The following EIF2AK4 variants were observed in gnomAD, a reference collection of about 807,000 sequenced individuals.
EIF2AK4 encodes the protein eukaryotic translation initiation factor 2 alpha kinase 4.
EIF2AK4 carries 139 observed loss-of-function variants against 211.1 expected under a neutral mutation model. The observed-to-expected ratio is 0.66, with a 90% CI of 0.57 to 0.76. EIF2AK4 has a LOEUF of 0.76. Among genes scored for constraint, EIF2AK4 ranks in the 30% least tolerant of loss-of-function variants. The pLI is 0.00. For missense variants in EIF2AK4, 1,664 were observed against 2,043.8 expected, an observed-to-expected ratio of 0.81 and a Z score of 3.58; for synonymous variants, 710 against 751.3, an observed-to-expected ratio of 0.94 and a Z score of 0.90.
At chr15:39,998,899 C>A in intron 20 of EIF2AK4, 115 bp downstream of exon 20, 2 of 823,294 alleles carry the variant, frequency 2.4e-6, no homozygotes, top group Non-Finnish European at 1.9e-6. Context: ...CTGGGAACAA[C>A]GTGGGGAAAA....
chr15:39,949,338 C>T, intron 4 of EIF2AK4, 70 bp downstream of exon 4: 1 of 1,566,600 alleles, frequency 6.4e-7, no homozygotes, highest in South Asian at 1.1e-5. Context: ...TAGGTTTTAT[C>T]TGTCTCTGCC....
chr15:39,965,232 C>A (rs2034526767), intron 7 of EIF2AK4, among the ~76,000 whole-genome samples: 2 of 152,178 alleles, frequency 1.3e-5, no homozygotes, highest in South Asian at 4.1e-4. Flanking sequence ...AGCGATTCTC[C>A]TGCCTCAGCC....
chr15:40,027,060 GTTTA>G lies in EIF2AK4; in HGVS notation c.4502+974_4502+977del, dbSNP rs1215497451. Among the ~76,000 whole-genome samples the G allele has an allele frequency of 1.1e-4, 17 of 152,136 alleles. No homozygotes were observed. The East Asian group carries it at 3.3e-3, about 29-fold the overall frequency. On this transcript the variant is annotated intron_variant, in intron 33 of 38. Coordinates refer to ENST00000263791, the MANE Select transcript of EIF2AK4 (RefSeq NM_001013703.4). The stretch of plus-strand genomic sequence containing the variant: ...ATTAAAACATAAACATTTTAAATAT[GTTTA>G]TTCATTTAAAAATAACAATAACCCC...
At chr15:39,951,473 G>T in intron 4 of EIF2AK4, 1 of 408,942 alleles carries the variant, frequency 2.4e-6, no homozygotes, top group South Asian at 1.8e-5. Flanking sequence ...TTTTCAAAAA[G>T]GCCAACCAGA....
chr15:39,985,874 T>C lies in EIF2AK4; in HGVS notation c.2389T>C (p.Tyr797His), dbSNP rs556364536. 14 of 1,613,332 alleles carry C rather than the reference T, an allele frequency of 8.7e-6. No individual in the cohort carries two copies. In the South Asian group the frequency reaches 1.4e-4, roughly 16 times the overall value. ...EPSVTTEAVHYLYIQMEYCEK... is the reference protein window; with the variant it reads ...EPSVTTEAVHHLYIQMEYCEK... Reference sequence around the variant, plus strand: ...ATCAGTGACGACTGAGGCTGTGCACTACCTATACATCCAGGTGAGGTCGTG... The same window carrying C: ...ATCAGTGACGACTGAGGCTGTGCACCACCTATACATCCAGGTGAGGTCGTG... The change falls in exon 14 of 39, where the codon TAC becomes CAC. Residue 797 changes from tyrosine (Y) to histidine (H), a missense_variant. By Grantham distance (83) the Tyr-to-His change is moderately conservative. This residue lies in a region of EIF2AK4 where 206 missense variants were observed against 201.9 expected (regional missense o/e 1.02). Coordinates refer to ENST00000263791, the MANE Select transcript of EIF2AK4 (RefSeq NM_001013703.4).
chr15:39,979,600 T>G (rs868107052), intron 13 of EIF2AK4, among the ~76,000 whole-genome samples: 2 of 152,230 alleles, frequency 1.3e-5, no homozygotes, highest in Non-Finnish European at 2.9e-5. Context: ...TACTGACAAA[T>G]TTTGGTAAAC....
In EIF2AK4 at chr15:39,934,279, G is replaced by A. The variant is rs746925938; in HGVS notation, c.84G>A (p.Gln28=). 6.2e-7 allele frequency: 1 copy of A among 1,611,964 alleles called. No individual in the cohort carries two copies. Among genetic ancestry groups the A allele is most frequent in the Non-Finnish European group, 8.5e-7 (1 of 1,179,116 alleles). The change falls in exon 1 of 39, where the codon CAG becomes CAA. Residue 28 remains glutamine, a synonymous_variant. Coordinates refer to ENST00000263791, the MANE Select transcript of EIF2AK4 (RefSeq NM_001013703.4). ...SYPQRQDHEL[Q]ALEAIYGADF... ...CGCAACGACAGGACCACGAGCTACA[G>A]GCCCTGGAGGCCATTTACGGCGCGG...
At chr15:40,011,179 G>T (rs1183872129) in intron 26 of EIF2AK4, 102 bp from the exon 27 acceptor site, 3 of 927,988 alleles carry the variant, frequency 3.2e-6, no homozygotes, top group Non-Finnish European at 3.4e-6. Context: ...GGAGCAGTTT[G>T]TTCAAAATGA....
intron 6 of EIF2AK4, among the ~76,000 whole-genome samples, chr15:39,961,131 A>G (rs1566986645): frequency 6.6e-6 from 1 of 152,090 alleles, no homozygotes; most frequent in East Asian, 1.9e-4. Context: ...AAAGAAAGAG[A>G]GGAGAGGCTG....
At chr15:39,981,154 C>A (rs919741611) in intron 13 of EIF2AK4, among the ~76,000 whole-genome samples, 3 of 152,098 alleles carry the variant, frequency 2.0e-5, no homozygotes, top group Admixed American at 6.6e-5. Flanking sequence ...GGTGGATCAC[C>A]TGAGGTCAAG....
chr15:39,948,239 T>G (rs1026403163), intron 3 of EIF2AK4, among the ~76,000 whole-genome samples: 2 of 152,240 alleles, frequency 1.3e-5, no homozygotes, highest in Non-Finnish European at 2.9e-5. Context: ...TTTACCACCC[T>G]GTTAAGTCCC....
intron 1 of EIF2AK4, among the ~76,000 whole-genome samples, chr15:39,937,175 T>G (rs912020755): frequency 6.6e-6 from 1 of 152,228 alleles, no homozygotes; most frequent in African/African-American, 2.4e-5. Context: ...ATTTATAATT[T>G]GATAGCTTTT....
At chr15:40,027,760 G>A (rs111469028) in intron 33 of EIF2AK4, among the ~76,000 whole-genome samples, 2,007 of 152,036 alleles carry the variant, frequency 0.013, 42 homozygotes, top group African/African-American at 0.047. Flanking sequence ...GCATGGTGGC[G>A]GGCACCTGTA....
rs1163915587 is a variant in EIF2AK4, at chr15:39,943,596, A to T, written c.360+111A>T. On this transcript the variant is annotated intron_variant, in intron 3 of 38. Coordinates refer to ENST00000263791, the MANE Select transcript of EIF2AK4 (RefSeq NM_001013703.4). ...TTTTATTGGTTCTACAAAAGGGAAC[A>T]TTGTGATTTTTATTTATTTAATAGG... 3.6e-6 allele frequency: 3 copies of T among 824,718 alleles called. No individual in the cohort carries two copies. The East Asian group carries it at 8.3e-5, about 23-fold the overall frequency. 51.1% of individuals were successfully genotyped at this position (824,718 alleles called of 1,614,324 possible). A position where few individuals can be genotyped will look rare whatever the true frequency, so the allele number is the denominator to read the frequency against.
At chr15:40,010,642 A>G (rs2035222959) in intron 26 of EIF2AK4, among the ~76,000 whole-genome samples, 1 of 151,964 alleles carries the variant, frequency 6.6e-6, no homozygotes, top group South Asian at 2.1e-4. Flanking sequence ...GTCTATGGTT[A>G]AGACAGAGTA....
Position 39,939,791 on chromosome 15 carries a change from C to A in EIF2AK4, c.257+174C>A, listed in dbSNP as rs150252955. 2.4e-3 allele frequency among the ~76,000 whole-genome samples: 367 copies of A among 152,310 alleles called. 1 individual carries two copies. The highest frequency in any genetic ancestry group is 8.6e-3 in the African/African-American group (357 of 41,548). ...ATAGATGTTTTCATGAAACCTGTCT[C>A]ATTTTAAGCCTGTTCATAGTTATAG... On this transcript the variant is annotated intron_variant, in intron 2 of 38. Coordinates refer to ENST00000263791, the MANE Select transcript of EIF2AK4 (RefSeq NM_001013703.4).
intron 35 of EIF2AK4, among the ~76,000 whole-genome samples, chr15:40,030,785 A>G (rs1372144588): frequency 6.6e-6 from 1 of 152,188 alleles, no homozygotes; most frequent in Non-Finnish European, 1.5e-5. Context: ...CGATGACAAG[A>G]CTTAAGGCAG....
In EIF2AK4 at chr15:39,961,844, G is replaced by A; in HGVS notation, c.804G>A (p.Leu268=). 1.9e-6 allele frequency: 3 copies of A among 1,614,150 alleles called. No individual in the cohort carries two copies. Among genetic ancestry groups the A allele is most frequent in the Non-Finnish European group, 1.7e-6 (2 of 1,180,018 alleles). The part of the protein sequence containing the change: ...SEDSPGSCEI[L]YFNMGSPDQL... ...ATTCTCCTGGCTCTTGTGAAATTCTGTATTTCAATATGGGGAGTCCTGATC... is the reference window on the plus strand; with the variant it reads ...ATTCTCCTGGCTCTTGTGAAATTCTATATTTCAATATGGGGAGTCCTGATC... The change falls in exon 7 of 39, where the codon CTG becomes CTA. Residue 268 remains leucine, a synonymous_variant. Coordinates refer to ENST00000263791, the MANE Select transcript of EIF2AK4 (RefSeq NM_001013703.4).
At position 39,939,559 on chromosome 15, in the gene EIF2AK4, G is replaced by T; in HGVS notation, c.199G>T (p.Glu67Ter). Residue 67 changes from glutamate (E) to a stop codon, truncating the protein, a stop_gained, in exon 2 of 39, where the codon GAA (glutamate) becomes TAA (stop). Transcript: ENST00000263791. LOFTEE classifies it high-confidence loss of function. ...TTTGTACCCTCAAGGCCTAACTGGTGAAGAAGTATATGTAAAAGTGGATTT... is the reference window on the plus strand; with the variant it reads ...TTTGTACCCTCAAGGCCTAACTGGTTAAGAAGTATATGTAAAAGTGGATTT... The part of the protein sequence containing the change: ...LVLYPQGLTG[E>*]EVYVKVDLRV... 6.2e-7 allele frequency: 1 copy of T among 1,613,134 alleles called. No individual in the cohort carries two copies. The highest frequency in any genetic ancestry group is 8.5e-7 in the Non-Finnish European group (1 of 1,179,424).
Sources: gnomAD v4.1 joint callset for allele counts (sites outside exome capture counted in the v4.1 genomes callset) on GRCh38, gnomAD v4.1.1 for gene constraint, gnomAD v4.1.1 regional missense constraint, MANE v1.5 for transcripts, NCBI Gene and HGNC (gene_info 2026-07-23, HGNC 2026-07-21) for gene names.